Variants in GPHN observed in about 807,000 individuals in gnomAD.
GPHN encodes the protein gephyrin.
A neutral mutation model predicts 95.5 loss-of-function variants in GPHN; 17 were observed. The observed-to-expected ratio is 0.18, with a 90% CI of 0.12 to 0.27. The LOEUF is 0.27. Among genes scored for constraint, GPHN ranks in the 10% least tolerant of loss-of-function variants. GPHN has a pLI of 1.00. For synonymous variants in GPHN, 320 were observed against 322.5 expected, an observed-to-expected ratio of 0.99 and a Z score of 0.08; for missense variants, 660 against 978.1, an observed-to-expected ratio of 0.67 and a Z score of 4.34.
chr14:66,976,700 A>T (rs1035261347), intron 9 of GPHN, among the ~76,000 whole-genome samples: 1 of 152,154 alleles, frequency 6.6e-6, no homozygotes, highest in African/African-American at 2.4e-5. Context: ...TGTATTAGCT[A>T]TTGGGGATAC....
chr14:67,571,166 C>CAT, the GPHN span: 1 of 154,446 alleles, frequency 6.5e-6, no homozygotes, highest in African/African-American at 2.4e-5. Flanking sequence ...TCACTGTGCA[C>CAT]ATATATCTTT....
the GPHN span, chr14:67,562,754 G>A: frequency 6.2e-7 from 1 of 1,613,856 alleles, no homozygotes; most frequent in Non-Finnish European, 8.5e-7. Context: ...GGAGGAACCA[G>A]AGAAGATGGA....
At chr14:67,171,866 G>A (rs919495323) in intron 21 of GPHN, among the ~76,000 whole-genome samples, 1 of 152,112 alleles carries the variant, frequency 6.6e-6, no homozygotes, top group Non-Finnish European at 1.5e-5. Flanking sequence ...GAACTCCCTT[G>A]GCAAGGAATT....
chr14:67,338,704 C>T, the GPHN span: 1 of 1,613,834 alleles, frequency 6.2e-7, no homozygotes, highest in Non-Finnish European at 8.5e-7. Context: ...CTCCTTTGCT[C>T]CAAGTCCTTC....
At chr14:67,688,127 C>T in the GPHN span, among the ~76,000 whole-genome samples, 31 of 152,246 alleles carry the variant, frequency 2.0e-4, no homozygotes, top group Admixed American at 1.6e-3. Context: ...AATCATCCTT[C>T]GGGGCTCAGC....
chr14:67,089,115 A>ATTTTTTTTTGTTT, intron 12 of GPHN, 40 bp downstream of exon 12: 1 of 360,442 alleles, frequency 2.8e-6, no homozygotes, highest in Non-Finnish European at 5.4e-6. Flanking sequence ...CAGGCACTGT[A>ATTTTTTTTTGTTT]TTTTTTTTTC....
At chr14:66,510,896 A>C (rs2058016559) in intron 1 of GPHN, among the ~76,000 whole-genome samples, 1 of 152,176 alleles carries the variant, frequency 6.6e-6, no homozygotes, top group Non-Finnish European at 1.5e-5. Flanking sequence ...AAGCCGTCTC[A>C]TGAGAATGAG....
At chr14:67,051,770 A>T (rs1280823705) in intron 10 of GPHN, among the ~76,000 whole-genome samples, 1 of 152,238 alleles carries the variant, frequency 6.6e-6, no homozygotes, top group African/African-American at 2.4e-5. Flanking sequence ...TCTCAGCAGA[A>T]ACCCTACAAG....
chr14:67,462,751 A>G, the GPHN span, among the ~76,000 whole-genome samples: 1 of 152,266 alleles, frequency 6.6e-6, no homozygotes, highest in Admixed American at 6.5e-5. Flanking sequence ...CCAAGGATCC[A>G]GGTAGCAGGA....
At chr14:67,710,098 C>G in the GPHN span, among the ~76,000 whole-genome samples, 21 of 152,202 alleles carry the variant, frequency 1.4e-4, no homozygotes, top group African/African-American at 5.1e-4. Flanking sequence ...CCTTTCCAGA[C>G]TGAACCAATG....
intron 2 of GPHN, among the ~76,000 whole-genome samples, chr14:66,758,006 G>C (rs1158896641): frequency 6.6e-6 from 1 of 152,176 alleles, no homozygotes; most frequent in East Asian, 1.9e-4. Context: ...CCGTGTAGCT[G>C]GTCCTGGGCC....
chr14:67,691,450 T>G, the GPHN span: 3 of 510,406 alleles, frequency 5.9e-6, no homozygotes, highest in South Asian at 2.6e-5. Context: ...AATTCCATTT[T>G]ATACTACCAA....
intron 2 of GPHN, among the ~76,000 whole-genome samples, chr14:66,682,277 A>T (rs750841617): frequency 6.6e-6 from 1 of 152,074 alleles, no homozygotes; most frequent in Non-Finnish European, 1.5e-5. Context: ...TATCCCTACT[A>T]TGAAGATTGA....
intron 2 of GPHN, among the ~76,000 whole-genome samples, chr14:66,691,598 T>C (rs992317188): frequency 2.0e-5 from 3 of 152,164 alleles, no homozygotes; most frequent in Non-Finnish European, 4.4e-5. Context: ...TGCATAGTGT[T>C]TACCTACTAT....
chr14:67,497,315 G>A, the GPHN span, among the ~76,000 whole-genome samples: 1 of 152,138 alleles, frequency 6.6e-6, no homozygotes, highest in African/African-American at 2.4e-5. Flanking sequence ...ACCCAGGCAC[G>A]TGGAGTTAAG....
At chr14:67,410,854 G>T in the GPHN span, among the ~76,000 whole-genome samples, 1 of 152,100 alleles carries the variant, frequency 6.6e-6, no homozygotes, top group African/African-American at 2.4e-5. Flanking sequence ...TAATGTCATT[G>T]TTCAAATTAC....
At chr14:66,743,090 ACT>A (rs2072934150) in intron 2 of GPHN, among the ~76,000 whole-genome samples, 1 of 151,068 alleles carries the variant, frequency 6.6e-6, no homozygotes, top group African/African-American at 2.4e-5. Context: ...TATCATAAAG[ACT>A]CTGTATTGTT....
intron 17 of GPHN, among the ~76,000 whole-genome samples, chr14:67,139,639 C>T (rs2080330718): frequency 1.3e-5 from 2 of 152,164 alleles, no homozygotes; most frequent in Admixed American, 1.3e-4. Context: ...AATACCTTTT[C>T]AGTCTAGCAT....
the GPHN span, among the ~76,000 whole-genome samples, chr14:67,419,020 T>C: frequency 6.6e-6 from 1 of 151,982 alleles, no homozygotes. Context: ...GAAATGCCCC[T>C]TGGCAGATGT....
Sources: allele counts gnomAD v4.1 joint callset (sites outside exome capture counted in the v4.1 genomes callset), GRCh38; gene constraint gnomAD v4.1.1; transcripts MANE v1.5; gene names NCBI Gene and HGNC (gene_info 2026-07-23, HGNC 2026-07-21).